OXR1: variants seen among roughly 807,000 people sequenced by gnomAD.
The protein encoded by OXR1 is oxidation resistance 1, also known as oxidation resistance protein 1.
In OXR1, 41 loss-of-function variants were observed where a neutral mutation model predicts 104.6. The observed-to-expected ratio is 0.39, with a 90% CI of 0.31 to 0.51. The LOEUF is 0.51. OXR1 is among the 20% of genes least tolerant of loss of function. The pLI, the probability that OXR1 is intolerant of heterozygous loss-of-function variation, is 0.77. For missense variants in OXR1, 955 were observed against 1,031.9 expected, an observed-to-expected ratio of 0.93 and a Z score of 1.02; for synonymous variants, 348 against 348.4, an observed-to-expected ratio of 1.00 and a Z score of 0.01.
chr8:106,616,833 C>G (rs758393506), intron 3 of OXR1, among the ~76,000 whole-genome samples: 5 of 152,186 alleles, frequency 3.3e-5, no homozygotes, highest in African/African-American at 4.8e-5. Context: ...CCCTGAAGCC[C>G]ACCTGTTTGG....
chr8:106,450,004 T>C (rs77039207), intron 2 of OXR1, among the ~76,000 whole-genome samples: 2 of 152,202 alleles, frequency 1.3e-5, no homozygotes, highest in Non-Finnish European at 2.9e-5. Context: ...CATGAAGTCA[T>C]ATATCATAGT....
In OXR1 at chr8:106,584,095, T is replaced by C. The variant is rs1359341608; in HGVS notation, c.220+64956T>C. On this transcript the variant is annotated intron_variant, in intron 3 of 16. Transcript: ENST00000517566. ...ATAGATTGTATCCAGGAAACCAAAA[T>C]AGGGTGATACAAAAAGGGATATTCA... Among the ~76,000 whole-genome samples, 6 of 147,498 alleles carry C rather than the reference T, an allele frequency of 4.1e-5. No homozygotes were observed. In the East Asian group the frequency reaches 1.2e-3, roughly 29 times the overall value.
chr8:106,312,798 GCTAA>G (rs1488465153), intron 1 of OXR1, among the ~76,000 whole-genome samples: 33 of 152,292 alleles, frequency 2.2e-4, no homozygotes, highest in African/African-American at 7.5e-4. Context: ...ACAGTCATCA[GCTAA>G]CTAAGACCCT....
chr8:106,334,202 T>C (rs191678496), intron 1 of OXR1, among the ~76,000 whole-genome samples: 46 of 152,326 alleles, frequency 3.0e-4, no homozygotes, highest in African/African-American at 1.1e-3. Context: ...TCCTAAATAC[T>C]TTTTTATACT....
chr8:106,736,423 C>A (rs1038821037), intron 11 of OXR1, among the ~76,000 whole-genome samples: 3 of 152,104 alleles, frequency 2.0e-5, no homozygotes, highest in Non-Finnish European at 2.9e-5. Context: ...AAATAAAAAG[C>A]CTTTAAAACC....
intron 3 of OXR1, among the ~76,000 whole-genome samples, chr8:106,545,532 C>T (rs1274605648): frequency 2.0e-5 from 3 of 152,148 alleles, no homozygotes; most frequent in Non-Finnish European, 4.4e-5. Context: ...GACACACAAG[C>T]ATACTGTAAA....
intron 3 of OXR1, among the ~76,000 whole-genome samples, chr8:106,545,069 A>AGTATC (rs1041041322): frequency 6.6e-6 from 1 of 152,154 alleles, no homozygotes; most frequent in Non-Finnish European, 1.5e-5. Context: ...GCTGTTTAAC[A>AGTATC]GTATCCCTGG....
At chr8:106,530,047 G>A (rs548600598) in intron 3 of OXR1, among the ~76,000 whole-genome samples, 2 of 152,138 alleles carry the variant, frequency 1.3e-5, no homozygotes, top group East Asian at 3.9e-4. Flanking sequence ...CTGAATAATG[G>A]TGAGGGGAAG....
intron 11 of OXR1, among the ~76,000 whole-genome samples, chr8:106,732,640 A>G (rs917411296): frequency 1.3e-5 from 2 of 152,132 alleles, no homozygotes; most frequent in African/African-American, 2.4e-5. Context: ...ATAAGATCAC[A>G]TGATTTTTCT....
Position 106,572,950 on chromosome 8 carries a change from G to A in OXR1, c.220+53811G>A, listed in dbSNP as rs371819319. ...AGCAAGCCAATGGAGACCCAGGAGA[G>A]CTGATGTGTAGTTCCAGTCTGAGAT... On this transcript the variant is annotated intron_variant, in intron 3 of 16. Coordinates refer to ENST00000517566, the MANE Select transcript of OXR1 (RefSeq NM_001198533.2). Among the ~76,000 whole-genome samples, 171 of 152,266 alleles carry A rather than the reference G, an allele frequency of 1.1e-3. 2 individuals carry two copies. The South Asian group carries it at 0.028, about 25-fold the overall frequency.
At chr8:106,660,898 A>G (rs1013553848) in intron 3 of OXR1, among the ~76,000 whole-genome samples, 2 of 152,156 alleles carry the variant, frequency 1.3e-5, no homozygotes, top group African/African-American at 4.8e-5. Flanking sequence ...CTGTAATCCC[A>G]GCTACCCGGG....
At chr8:106,298,939 G>GTT (rs1224001769) in intron 1 of OXR1, among the ~76,000 whole-genome samples, 24 of 151,826 alleles carry the variant, frequency 1.6e-4, no homozygotes, top group African/African-American at 5.6e-4. Context: ...GTGTGTGTGT[G>GTT]TGTCTATGTG....
At chr8:106,621,383 C>G (rs1639706425) in intron 3 of OXR1, among the ~76,000 whole-genome samples, 1 of 151,920 alleles carries the variant, frequency 6.6e-6, no homozygotes, top group African/African-American at 2.4e-5. Flanking sequence ...TCCGGGAGTT[C>G]CAGGCTGCAA....
At chr8:106,706,351 T>TGGAG in intron 8 of OXR1, 31 bp from the exon 9 acceptor site, 1 of 1,482,536 alleles carries the variant, frequency 6.7e-7, no homozygotes, top group Non-Finnish European at 9.1e-7. Context: ...ATTTTAAAAG[T>TGGAG]CTAATTATTT....
At chr8:106,411,917 A>G (rs934899716) in intron 2 of OXR1, among the ~76,000 whole-genome samples, 3 of 152,162 alleles carry the variant, frequency 2.0e-5, no homozygotes, top group African/African-American at 7.2e-5. Flanking sequence ...TCGGAGCCAA[A>G]GTGCTCAGGA....
intron 3 of OXR1, among the ~76,000 whole-genome samples, chr8:106,536,635 T>C (rs1456012092): frequency 2.0e-5 from 3 of 152,184 alleles, no homozygotes; most frequent in African/African-American, 4.8e-5. Context: ...TTTTTTTTAA[T>C]TTTTGTGGGT....
chr8:106,368,590 CCT>C (rs1194555089), intron 2 of OXR1, among the ~76,000 whole-genome samples: 7 of 151,908 alleles, frequency 4.6e-5, no homozygotes, highest in Non-Finnish European at 1.0e-4. Flanking sequence ...GTGTTGTTTC[CCT>C]CTCTGTGTCC....
intron 1 of OXR1, among the ~76,000 whole-genome samples, chr8:106,358,204 CA>C (rs1816063719): frequency 6.6e-6 from 1 of 152,176 alleles, no homozygotes; most frequent in South Asian, 2.1e-4. Flanking sequence ...GGGTGGACTA[CA>C]AGAAAGAATA....
In OXR1 at chr8:106,707,122, C is replaced by A. The variant is rs752448059; in HGVS notation, c.1601C>A (p.Thr534Lys). The A allele has an allele frequency of 1.2e-6, 2 of 1,613,648 alleles. No homozygotes were observed. The highest frequency in any genetic ancestry group is 2.2e-5 in the South Asian group (2 of 91,062). ...CAAAAAGAAGCTAAGCATAAAATTA[C>A]ATCTGCTGATGGACACATAGAAAGT... ...VSQKEAKHKITSADGHIESSA... is the reference protein window; with the variant it reads ...VSQKEAKHKIKSADGHIESSA... The change falls in exon 9 of 17, where the codon ACA (threonine) becomes AAA (lysine). Residue 534 changes from threonine (T) to lysine (K), a missense_variant. Physicochemically the swap from Thr to Lys is moderately conservative, Grantham distance 78 (BLOSUM62 -1). This residue lies in a region of OXR1 where 849 missense variants were observed against 852.9 expected (regional missense o/e 1.00). Transcript: ENST00000517566.
Sources: gnomAD v4.1 joint callset for allele counts (sites outside exome capture counted in the v4.1 genomes callset) on GRCh38, gnomAD v4.1.1 for gene constraint, gnomAD v4.1.1 regional missense constraint, MANE v1.5 for transcripts, NCBI Gene and HGNC (gene_info 2026-07-23, HGNC 2026-07-21) for gene names.